Variants in SYNE2 observed in about 807,000 individuals in gnomAD.
SYNE2 encodes the protein nesprin-2.
Under a neutral mutation model 856.3 loss-of-function variants are expected in SYNE2, and 431 were observed. The observed-to-expected ratio is 0.50, with a 90% confidence interval of 0.47 to 0.55. The LOEUF (loss-of-function observed/expected upper bound fraction) is 0.55, where lower values mean the gene tolerates loss of function less well. Among genes scored for constraint, SYNE2 ranks in the 20% least tolerant of loss-of-function variants. The probability of loss-of-function intolerance (pLI) is 0.00; values close to 1 mark genes in which losing one functional copy is unlikely to be tolerated. For synonymous variants in SYNE2, 2,923 were observed against 2,872.3 expected, an observed-to-expected ratio of 1.02 and a Z score of -0.56; for missense variants, 8,129 against 8,023.2, an observed-to-expected ratio of 1.01 and a Z score of -0.50.
intron 2 of SYNE2, 63 bp downstream of exon 2, chr14:63,909,290 T>A: frequency 1.8e-6 from 2 of 1,101,660 alleles, no homozygotes; most frequent in Non-Finnish European, 2.8e-6. Context: ...TTTATCTAGT[T>A]GCAAGTCACA....
intron 32 of SYNE2, among the ~76,000 whole-genome samples, chr14:64,014,611 T>C (rs1448313120): frequency 6.6e-6 from 1 of 152,042 alleles, no homozygotes; most frequent in East Asian, 1.9e-4. Flanking sequence ...GTATTTTTAG[T>C]AGAGACGGGA....
intron 45 of SYNE2, among the ~76,000 whole-genome samples, chr14:64,036,692 ATTTT>A (rs869246851): frequency 2.6e-5 from 4 of 151,870 alleles, no homozygotes; most frequent in Non-Finnish European, 5.9e-5. Flanking sequence ...ATTAAAAAAA[ATTTT>A]TTTTTAATTT....
chr14:63,809,515 T>A (rs1888530047), intron 1 of SYNE2, among the ~76,000 whole-genome samples: 1 of 152,190 alleles, frequency 6.6e-6, no homozygotes, highest in African/African-American at 2.4e-5. Flanking sequence ...CTCTCCCTGT[T>A]ACCAAGGCTG....
intron 2 of SYNE2, among the ~76,000 whole-genome samples, chr14:63,937,952 C>T (rs764425651): frequency 4.6e-5 from 7 of 152,086 alleles, no homozygotes; most frequent in Non-Finnish European, 1.0e-4. Context: ...GAAATGATTG[C>T]TGGAGTTGGG....
At chr14:63,766,779 C>A (rs1041190570) in intron 1 of SYNE2, among the ~76,000 whole-genome samples, 4 of 152,132 alleles carry the variant, frequency 2.6e-5, no homozygotes, top group Admixed American at 2.6e-4. Context: ...TAAAGAAAAC[C>A]TCTCTGGGGA....
rs1462281317 is a variant in SYNE2, at chr14:64,154,638, G to GA, written c.15792+1928dup. 2.0e-5 allele frequency among the ~76,000 whole-genome samples: 3 copies of GA among 151,520 alleles called. No homozygotes were observed. The East Asian group carries it at 5.8e-4, about 29-fold the overall frequency. On this transcript the variant is annotated intron_variant, in intron 85 of 115. Coordinates refer to ENST00000555002, the MANE Select transcript of SYNE2 (RefSeq NM_182914.3). ...CAAAACCCTATCTCTACCAAAAATA[G>GA]AAAAAATTAGCTGGGTGTGGTGGTG...
At chr14:64,208,701 T>C in intron 100 of SYNE2, 57 bp from the exon 101 acceptor site, 1 of 1,587,058 alleles carries the variant, frequency 6.3e-7, no homozygotes, top group Non-Finnish European at 8.6e-7. Context: ...CCTTTGATGC[T>C]GACCCTCCTG....
chr14:63,805,491 A>G (rs577825791), intron 1 of SYNE2, among the ~76,000 whole-genome samples: 84 of 152,224 alleles, frequency 5.5e-4, no homozygotes, highest in African/African-American at 1.8e-3. Flanking sequence ...GGTTCACGCC[A>G]TTCTCCTGCC....
At chr14:64,124,377 AT>A (rs372149959) in intron 70 of SYNE2, among the ~76,000 whole-genome samples, 3,404 of 130,060 alleles carry the variant, frequency 0.026, 38 homozygotes, top group Middle Eastern at 0.043. Context: ...TTTTTGTATA[AT>A]TTTTTTTTTT....
chr14:63,807,855 ATATATATAT>A lies in SYNE2; in HGVS notation c.-304-44645_-304-44637del, dbSNP rs1218138429. On this transcript the variant is annotated intron_variant, in intron 1 of 23. Transcript: ENST00000674003. ...TATATATATATATATATATATATAT[ATATATATAT>A]AATTTCAATAGTTTTTGGGAACAAG... is the stretch of plus-strand genomic sequence containing the variant. 1.0e-4 allele frequency among the ~76,000 whole-genome samples: 11 copies of A among 104,772 alleles called. No individual in the cohort carries two copies. In the South Asian group the frequency reaches 4.1e-3, roughly 39 times the overall value. 68.7% of individuals were successfully genotyped at this position (104,772 alleles called of 152,430 possible).
In SYNE2 at chr14:63,797,031, C is replaced by T. The variant is rs367624001; in HGVS notation, c.-305+35045C>T. Reference sequence around the variant, plus strand: ...GAGGTGGAGGTTGCAGTGAGCCAACCTCGTGCCACTGCACTCCAGCCTAGG... The same window carrying T: ...GAGGTGGAGGTTGCAGTGAGCCAACTTCGTGCCACTGCACTCCAGCCTAGG... On this transcript the variant is annotated intron_variant, in intron 1 of 23. Transcript: ENST00000674003. 7.1e-4 allele frequency among the ~76,000 whole-genome samples: 98 copies of T among 138,140 alleles called. 1 individual carries two copies. The South Asian group carries it at 0.017, about 24-fold the overall frequency. 90.6% of individuals were successfully genotyped at this position (138,140 alleles called of 152,430 possible).
At chr14:63,827,625 C>CAAA (rs11334415) in intron 1 of SYNE2, among the ~76,000 whole-genome samples, 1,121 of 28,302 alleles carry the variant, frequency 0.04, 12 homozygotes, top group Middle Eastern at 0.12. Context: ...AACTCTGTCT[C>CAAA]AAAAAAAAAA....
At chr14:63,995,396 C>A (rs552398468) in intron 23 of SYNE2, among the ~76,000 whole-genome samples, 194 bp downstream of exon 23, 2 of 152,136 alleles carry the variant, frequency 1.3e-5, no homozygotes, top group Non-Finnish European at 2.9e-5. Context: ...TGAGAAAATT[C>A]GGCACTGAGT....
rs528334179 is a variant in SYNE2, at chr14:64,216,383, C to T, written c.19538C>T (p.Pro6513Leu). ...PPASSTPYKPPYGKLLLPPGT... is the reference protein window; with the variant it reads ...PPASSTPYKPLYGKLLLPPGT... ...GCGTCCAGCACCCCTTATAAACCAC[C>T]CTATGTAAGTCTTAACTTCACTGGG... Residue 6513 changes from proline (P) to leucine (L), a missense_variant, in exon 108 of 116, where the codon CCC becomes CTC. Physicochemically the swap from Pro to Leu is moderately conservative, Grantham distance 98. This residue lies in a region of SYNE2 where 5,410 missense variants were observed against 5,284.8 expected (regional missense o/e 1.02). Coordinates refer to ENST00000555002, the MANE Select transcript of SYNE2 (RefSeq NM_182914.3). 6.2e-7 allele frequency: 1 copy of T among 1,614,150 alleles called. No homozygotes were observed. Among genetic ancestry groups the T allele is most frequent in the East Asian group, 2.2e-5 (1 of 44,892 alleles).
intron 105 of SYNE2, among the ~76,000 whole-genome samples, chr14:64,213,757 T>A (rs1297461961): frequency 6.6e-6 from 1 of 152,026 alleles, no homozygotes; most frequent in Non-Finnish European, 1.5e-5. Context: ...CACTGAGCAA[T>A]TAAGTTGGAG....
intron 101 of SYNE2, 26 bp downstream of exon 101, chr14:64,208,971 C>T: frequency 1.9e-6 from 3 of 1,610,748 alleles, no homozygotes; most frequent in Middle Eastern, 1.7e-4. Context: ...CCCCAAATGC[C>T]TTCAGCGTGG....
chr14:64,167,167 G>A, intron 90 of SYNE2, 66 bp from the exon 91 acceptor site: 3 of 1,603,618 alleles, frequency 1.9e-6, no homozygotes, highest in Non-Finnish European at 2.6e-6. Context: ...GAGGTAAGGA[G>A]GGTTTTTTGT....
rs775080561 is a variant in SYNE2, at chr14:64,087,788, A to G, written c.11602A>G (p.Ser3868Gly). The stretch of plus-strand genomic sequence containing the variant: ...ATTAACCCAATCCATACAAGAGTTA[A>G]GTAATCAAGTAACAGCTTTACAACA... ...DELTQSIQEL[S>G]NQVTALQQKI... The change falls in exon 58 of 116, where the codon AGT becomes GGT. Residue 3868 changes from serine (S) to glycine (G), a missense_variant. Transcript: ENST00000555002. The G allele has an allele frequency of 6.2e-7, 1 of 1,614,184 alleles. No individual in the cohort carries two copies. The highest frequency in any genetic ancestry group is 8.5e-7 in the Non-Finnish European group (1 of 1,180,002).
chr14:63,995,210 A>T lies in SYNE2; in HGVS notation c.2940+8A>T. On this transcript the variant is annotated splice_region_variant and intron_variant, in intron 23 of 115. Coordinates refer to ENST00000555002, the MANE Select transcript of SYNE2 (RefSeq NM_182914.3). ...CTCATCAAAGAACATGAGGTACAATAAAGTGTTTCCACTTAAATTTTGTCA... is the reference window on the plus strand; with the variant it reads ...CTCATCAAAGAACATGAGGTACAATTAAGTGTTTCCACTTAAATTTTGTCA... 6.2e-7 allele frequency: 1 copy of T among 1,603,194 alleles called. No homozygotes were observed. The highest frequency in any genetic ancestry group is 8.5e-7 in the Non-Finnish European group (1 of 1,172,926).
Sources: allele counts gnomAD v4.1 joint callset (sites outside exome capture counted in the v4.1 genomes callset), GRCh38; gene constraint gnomAD v4.1.1; regional missense constraint gnomAD v4.1.1; transcripts MANE v1.5; gene names NCBI Gene and HGNC (gene_info 2026-07-23, HGNC 2026-07-21).